Variants in NUMB observed in about 807,000 individuals in gnomAD.
NUMB encodes protein numb homolog.
A neutral mutation model predicts 59.7 loss-of-function variants in NUMB; 29 were observed. The observed-to-expected ratio is 0.49, with a 90% CI of 0.36 to 0.66. The LOEUF is 0.66. Ranked by LOEUF, NUMB falls within the 30% of genes least tolerant of loss-of-function variation. The pLI, the probability that NUMB is intolerant of heterozygous loss-of-function variation, is 0.00. For synonymous variants in NUMB, 288 were observed against 288.2 expected (o/e 1.00, Z 0.01); for missense variants, 723 against 822.0 (o/e 0.88, Z 1.47).
chr14:73,375,708 C>G (rs1365102188), intron 2 of NUMB, among the ~76,000 whole-genome samples: 1 of 152,138 alleles, frequency 6.6e-6, no homozygotes, highest in Non-Finnish European at 1.5e-5. Context: ...GAATTATACA[C>G]CATGACCAAG....
intron 1 of NUMB, among the ~76,000 whole-genome samples, chr14:73,410,963 T>C (rs951875662): frequency 1.2e-4 from 18 of 152,178 alleles, no homozygotes; most frequent in African/African-American, 4.3e-4. Flanking sequence ...AAATACAACA[T>C]AAATGGGTTA....
intron 4 of NUMB, among the ~76,000 whole-genome samples, chr14:73,326,830 A>G (rs970649851): frequency 1.3e-5 from 2 of 152,124 alleles, no homozygotes; most frequent in African/African-American, 2.4e-5. Context: ...GTCTAACCTA[A>G]TAACTACTCA....
chr14:73,352,539 T>G (rs1594939938), intron 4 of NUMB, among the ~76,000 whole-genome samples: 1 of 81,096 alleles, frequency 1.2e-5, no homozygotes, highest in East Asian at 3.6e-4. Flanking sequence ...TGTTTTTTTT[T>G]TTTTTTTTTT....
rs182300778 is a variant in NUMB, at chr14:73,277,392, T to C, written c.1241-99A>G. On this transcript the variant is annotated intron_variant, in intron 12 of 12. Coordinates refer to ENST00000555238, the MANE Select transcript of NUMB (RefSeq NM_001005743.2). ...GAATGATCCTAACATGTACAACATG[T>C]CCCCCCCTAATGGGACATTTTGTGG... is the stretch of plus-strand genomic sequence containing the variant. 135 of 945,592 alleles carry C rather than the reference T, an allele frequency of 1.4e-4. No individual in the cohort carries two copies. In the African/African-American group the frequency reaches 2.1e-3, roughly 15 times the overall value. The allele number at this position is 945,592 out of a possible 1,614,324, so 58.6% of individuals were successfully genotyped here. A position where few individuals can be genotyped will look rare whatever the true frequency, so the allele number is the denominator to read the frequency against.
chr14:73,449,777 T>C (rs1162464762), intron 1 of NUMB, among the ~76,000 whole-genome samples: 2 of 152,188 alleles, frequency 1.3e-5, no homozygotes, highest in Non-Finnish European at 2.9e-5. Context: ...AACCTCTGCC[T>C]CCCAAGTTCA....
chr14:73,300,930 G>T (rs1049347384), intron 6 of NUMB, among the ~76,000 whole-genome samples: 2 of 152,046 alleles, frequency 1.3e-5, no homozygotes, highest in African/African-American at 4.8e-5. Flanking sequence ...CTGATAAATG[G>T]GTGTTATAAT....
rs1465827552 is a variant in NUMB at position 73,282,180 on chromosome 14, A to C, written c.1096+179T>G. On this transcript the variant is annotated intron_variant, in intron 11 of 12. Transcript: ENST00000555238. ...GACAAACACAGACATCTTAGAAAAC[A>C]GGAAGGGCACAAAGACATCGTCGAA... The C allele has an allele frequency of 2.4e-5, 13 of 532,816 alleles. No homozygotes were observed. The Admixed American group carries it at 3.5e-4, about 14-fold the overall frequency. 33.0% of individuals were successfully genotyped at this position (532,816 alleles called of 1,614,324 possible).
At chr14:73,389,938 T>A (rs1895759994) in intron 2 of NUMB, among the ~76,000 whole-genome samples, 3 of 152,170 alleles carry the variant, frequency 2.0e-5, no homozygotes. Flanking sequence ...ACATTTTATA[T>A]ACTTATTACA....
chr14:73,451,695 A>C (rs928316323), intron 1 of NUMB, among the ~76,000 whole-genome samples: 1 of 152,216 alleles, frequency 6.6e-6, no homozygotes, highest in African/African-American at 2.4e-5. Flanking sequence ...TGACTAGACG[A>C]AAGTATCACT....
intron 4 of NUMB, among the ~76,000 whole-genome samples, chr14:73,343,731 TTTG>T (rs1278947583): frequency 7.0e-6 from 1 of 142,884 alleles, no homozygotes; most frequent in African/African-American, 2.6e-5. Flanking sequence ...CTGGTTCCTG[TTTG>T]TTAATATTTT....
At chr14:73,307,720 G>A (rs966450388) in intron 6 of NUMB, among the ~76,000 whole-genome samples, 3 of 147,942 alleles carry the variant, frequency 2.0e-5, no homozygotes, top group East Asian at 2.0e-4. Context: ...ACATAATCGG[G>A]CCTCTGTCTT....
At chr14:73,354,364 A>G (rs969654363) in intron 4 of NUMB, among the ~76,000 whole-genome samples, 2 of 151,936 alleles carry the variant, frequency 1.3e-5, no homozygotes, top group African/African-American at 4.8e-5. Context: ...CAAAAAAATT[A>G]GCTGGGCGTG....
intron 2 of NUMB, among the ~76,000 whole-genome samples, chr14:73,386,647 G>A (rs1895539294): frequency 6.6e-6 from 1 of 151,984 alleles, no homozygotes; most frequent in Non-Finnish European, 1.5e-5. Context: ...TAACTACCAG[G>A]AAATTCTGAC....
intron 6 of NUMB, among the ~76,000 whole-genome samples, chr14:73,305,354 T>C (rs1282882668): frequency 6.6e-6 from 1 of 152,138 alleles, no homozygotes; most frequent in Non-Finnish European, 1.5e-5. Flanking sequence ...TAATTCATTA[T>C]ACTGAAATAT....
rs1195248399 is a variant in NUMB at position 73,308,536 on chromosome 14, C to G, written c.234+7854G>C. On this transcript the variant is annotated intron_variant, in intron 6 of 12. Coordinates refer to ENST00000555238, the MANE Select transcript of NUMB (RefSeq NM_001005743.2). Reference sequence around the variant, plus strand: ...CTTCACAACAATCACATGAAGTAGGCATTAATCGCAAAGCTAGTAAATGCA... The same window carrying G: ...CTTCACAACAATCACATGAAGTAGGGATTAATCGCAAAGCTAGTAAATGCA... Among the ~76,000 whole-genome samples the G allele has an allele frequency of 4.6e-5, 7 of 152,270 alleles. No homozygotes were observed. The East Asian group carries it at 1.3e-3, about 29-fold the overall frequency.
intron 2 of NUMB, among the ~76,000 whole-genome samples, chr14:73,382,725 T>A (rs1895308629): frequency 6.6e-6 from 1 of 152,290 alleles, no homozygotes; most frequent in South Asian, 2.1e-4. Flanking sequence ...CAGAACAGTA[T>A]CATCATAAAG....
rs535164248 is a variant in NUMB at position 73,423,503 on chromosome 14, G to A, written c.-232-13435C>T. On this transcript the variant is annotated intron_variant, in intron 1 of 12. Coordinates refer to ENST00000555238, the MANE Select transcript of NUMB (RefSeq NM_001005743.2). ...TAAAAAATACAAAAATCAGCTGGGC[G>A]TGGTGGCTGGTGCCTGTAATCCCAG... Among the ~76,000 whole-genome samples the A allele has an allele frequency of 3.3e-5, 5 of 152,254 alleles. No individual in the cohort carries two copies. The South Asian group carries it at 8.3e-4, about 25-fold the overall frequency.
At chr14:73,338,434 C>T (rs1261985613) in intron 4 of NUMB, among the ~76,000 whole-genome samples, 1 of 152,150 alleles carries the variant, frequency 6.6e-6, no homozygotes, top group Non-Finnish European at 1.5e-5. Context: ...ATCTCCCTAA[C>T]ATAAGTCACA....
At chr14:73,456,019 G>C (rs1884343290) in intron 1 of NUMB, among the ~76,000 whole-genome samples, 1 of 151,942 alleles carries the variant, frequency 6.6e-6, no homozygotes, top group Non-Finnish European at 1.5e-5. Context: ...TCCAGAGTCA[G>C]AGGCATAACA....
Sources: gnomAD v4.1 joint callset for allele counts (sites outside exome capture counted in the v4.1 genomes callset) on GRCh38, gnomAD v4.1.1 for gene constraint, MANE v1.5 for transcripts, NCBI Gene and HGNC (gene_info 2026-07-23, HGNC 2026-07-21) for gene names.